The following PLEKHA6 variants were observed in gnomAD, a reference collection of about 807,000 sequenced individuals.
The protein encoded by PLEKHA6 is pleckstrin homology domain containing A6.
PLEKHA6 carries 60 observed loss-of-function variants against 116.7 expected under a neutral mutation model. The observed-to-expected ratio is 0.51, with a 90% CI of 0.42 to 0.64. The LOEUF is 0.64. PLEKHA6 is among the 30% of genes least tolerant of loss of function. The probability of loss-of-function intolerance (pLI) is 0.00; values close to 1 mark genes in which losing one functional copy is unlikely to be tolerated. For synonymous variants in PLEKHA6, 489 were observed against 556.1 expected (o/e 0.88, Z 1.70); for missense variants, 1,338 against 1,422.7 (o/e 0.94, Z 0.96).
intron 6 of PLEKHA6, among the ~76,000 whole-genome samples, chr1:204,263,755 T>G (rs1486262072): frequency 1.3e-5 from 2 of 152,034 alleles, no homozygotes; most frequent in African/African-American, 4.8e-5. Context: ...GGTGTGTGTG[T>G]GTGTGTCTGT....
At chr1:204,343,762 C>T (rs1672930947) in intron 1 of PLEKHA6, among the ~76,000 whole-genome samples, 1 of 152,188 alleles carries the variant, frequency 6.6e-6, no homozygotes, top group South Asian at 2.1e-4. Flanking sequence ...GCTGGCCTGA[C>T]CATGTGCCCG....
intron 1 of PLEKHA6, among the ~76,000 whole-genome samples, chr1:204,335,317 C>T (rs1672604305): frequency 6.6e-6 from 1 of 152,042 alleles, no homozygotes; most frequent in Non-Finnish European, 1.5e-5. Context: ...TTTAGCTTGG[C>T]CTCAGCCCAG....
chr1:204,259,085 C>T lies in PLEKHA6; in HGVS notation c.1007+173G>A, dbSNP rs1665744054. On this transcript the variant is annotated intron_variant, in intron 8 of 22. Coordinates refer to ENST00000272203, the MANE Select transcript of PLEKHA6 (RefSeq NM_014935.5). The surrounding 1 kb of genome is among the most constrained non-coding windows in gnomAD (Gnocchi z 4.6). ...AGCAGCCAGACTCTAATGGTGGAGC[C>T]ATGGGGCAGGCAGGATTTGGGCAAG... Among the ~76,000 whole-genome samples, 1 of 152,240 alleles carries T rather than the reference C, an allele frequency of 6.6e-6. No individual in the cohort carries two copies. The highest frequency in any genetic ancestry group is 1.5e-5 in the Non-Finnish European group (1 of 68,030).
At chr1:204,232,494 A>G (rs1374716083) in intron 17 of PLEKHA6, among the ~76,000 whole-genome samples, 2 of 152,196 alleles carry the variant, frequency 1.3e-5, no homozygotes, top group Non-Finnish European at 2.9e-5. Context: ...AGAAATAGAG[A>G]TAGAGTTATC....
intron 1 of PLEKHA6, among the ~76,000 whole-genome samples, chr1:204,329,564 C>T (rs4077535): frequency 0.024 from 3,586 of 152,286 alleles, 129 homozygotes; most frequent in African/African-American, 0.082. Context: ...AACCAGACAT[C>T]GTGTGCCTCC....
intron 1 of PLEKHA6, among the ~76,000 whole-genome samples, chr1:204,318,391 C>T (rs1671938243): frequency 6.6e-6 from 1 of 152,194 alleles, no homozygotes; most frequent in African/African-American, 2.4e-5. Context: ...AGTTAAGTTG[C>T]CACACAGCTA....
intron 1 of PLEKHA6, among the ~76,000 whole-genome samples, chr1:204,377,295 C>T (rs2103426231): frequency 6.6e-6 from 1 of 152,302 alleles, no homozygotes; most frequent in South Asian, 2.1e-4. Context: ...TAGTCATCCT[C>T]CTGGAGGCCT....
At chr1:204,357,925 G>A (rs1402506792) in intron 1 of PLEKHA6, among the ~76,000 whole-genome samples, 1 of 152,202 alleles carries the variant, frequency 6.6e-6, no homozygotes, top group Non-Finnish European at 1.5e-5. Flanking sequence ...TGAGGGATCA[G>A]TAATTATTTC....
At chr1:204,249,099 G>A (rs1664185359) in intron 11 of PLEKHA6, 85 bp downstream of exon 11, 3 of 1,478,072 alleles carry the variant, frequency 2.0e-6, no homozygotes. Flanking sequence ...TGTCATCTCA[G>A]TCAGGTTGGA....
rs1267028583 is a variant in PLEKHA6, at chr1:204,324,307, G to C, written c.-95+35387C>G. On this transcript the variant is annotated intron_variant, in intron 1 of 22. Transcript: ENST00000272203. ...GAAGGAAATTTTTAGTATCTCAAAG[G>C]CTGAAGTAGAGGATAGAATAGGGTT... Among the ~76,000 whole-genome samples the C allele has an allele frequency of 3.3e-5, 5 of 152,198 alleles. No homozygotes were observed. In the East Asian group the frequency reaches 7.7e-4, roughly 23 times the overall value.
In PLEKHA6 at chr1:204,259,824, A is replaced by C. The variant is rs543881104; in HGVS notation, c.525-84T>G. 1.1e-4 allele frequency: 153 copies of C among 1,438,080 alleles called. 2 individuals carry two copies. The South Asian group carries it at 2.1e-3, about 19-fold the overall frequency. 89.1% of individuals were successfully genotyped at this position (1,438,080 alleles called of 1,614,324 possible). A position where few individuals can be genotyped will look rare whatever the true frequency, so the allele number is the denominator to read the frequency against. On this transcript the variant is annotated intron_variant, in intron 7 of 22. Transcript: ENST00000272203. This position sits in a 1 kb window ranked among gnomAD's most constrained non-coding sequence, Gnocchi z 4.6. ...GGGGTGCCAGACTGGGAAGAAGAGG[A>C]GTGGGGAAGGATGGGCAGGGAGGTG...
chr1:204,247,587 C>T (rs904020129), intron 12 of PLEKHA6, 127 bp from the exon 13 acceptor site: 14 of 606,964 alleles, frequency 2.3e-5, no homozygotes, highest in South Asian at 5.6e-5. Flanking sequence ...ATGGAGGGAC[C>T]GAAGGAGAGG....
chr1:204,297,900 A>T (rs1670441463), intron 1 of PLEKHA6: 1 of 984,936 alleles, frequency 1.0e-6, no homozygotes, highest in South Asian at 4.7e-5. Context: ...TAGAGGGAAG[A>T]CGGCATCTTG....
intron 4 of PLEKHA6, 139 bp from the exon 5 acceptor site, chr1:204,267,686 C>A: frequency 1.4e-6 from 1 of 702,742 alleles, no homozygotes. Context: ...TGCACGGCAG[C>A]AACCCCTGGA....
intron 1 of PLEKHA6, among the ~76,000 whole-genome samples, chr1:204,288,874 C>T (rs1056053256): frequency 2.6e-5 from 4 of 152,174 alleles, no homozygotes; most frequent in Non-Finnish European, 4.4e-5. Context: ...TCTGCATAAA[C>T]TATGCAACCA....
chr1:204,359,717 C>G lies in PLEKHA6; in HGVS notation c.-118G>C, dbSNP rs539689287. On this transcript the variant is annotated 5_prime_UTR_variant, in exon 1 of 23. Coordinates refer to ENST00000272203, the MANE Select transcript of PLEKHA6 (RefSeq NM_014935.5). ...ACCGGCTTCTGAGGTGTGATCCCCG[C>G]GCTGGAAAGCTCTAACTCTGCGAGC... 1 of 977,166 alleles carries G rather than the reference C, an allele frequency of 1.0e-6. No individual in the cohort carries two copies. Among genetic ancestry groups the G allele is most frequent in the Non-Finnish European group, 1.2e-6 (1 of 822,508 alleles). 60.5% of individuals were successfully genotyped at this position (977,166 alleles called of 1,614,324 possible). A position where few individuals can be genotyped will look rare whatever the true frequency, so the allele number is the denominator to read the frequency against.
intron 17 of PLEKHA6, among the ~76,000 whole-genome samples, chr1:204,240,757 T>C (rs1662695189): frequency 6.6e-6 from 1 of 152,182 alleles, no homozygotes; most frequent in Non-Finnish European, 1.5e-5. Context: ...ATGATTAATA[T>C]TGAGTGTCAA....
At position 204,261,337 on chromosome 1, in the gene PLEKHA6, G is replaced by A; in HGVS notation, c.493C>T (p.Gln165Ter). 1 of 1,614,154 alleles carries A rather than the reference G, an allele frequency of 6.2e-7. No individual in the cohort carries two copies. Among genetic ancestry groups the A allele is most frequent in the Non-Finnish European group, 8.5e-7 (1 of 1,180,016 alleles). ...EAARVQIPPA[Q>*]KSVPQAVRHS... ...CGCACAGCTTGGGGCACTGACTTCT[G>A]GGCTGGAGGGATCTGTACTCGAGCA... The change falls in exon 7 of 23, where the codon CAG becomes TAG. Residue 165 changes from glutamine to a stop codon, truncating the protein, a stop_gained. Coordinates refer to ENST00000272203, the MANE Select transcript of PLEKHA6 (RefSeq NM_014935.5). LOFTEE classifies it high-confidence loss of function. The surrounding 1 kb of genome is among the most constrained non-coding windows in gnomAD (Gnocchi z 4.0).
At chr1:204,233,418 G>T (rs908455298) in intron 17 of PLEKHA6, among the ~76,000 whole-genome samples, 7 of 148,852 alleles carry the variant, frequency 4.7e-5, no homozygotes, top group Non-Finnish European at 1.0e-4. Flanking sequence ...TCAGCTGACT[G>T]CCACCTCTGC....
Sources: allele counts gnomAD v4.1 joint callset (sites outside exome capture counted in the v4.1 genomes callset), GRCh38; gene constraint gnomAD v4.1.1; non-coding constraint Gnocchi (gnomAD v3.1); transcripts MANE v1.5; gene names NCBI Gene and HGNC (gene_info 2026-07-23, HGNC 2026-07-21).